SPATA13: variants seen among roughly 807,000 people sequenced by gnomAD.
SPATA13 encodes spermatogenesis associated 13.
A neutral mutation model predicts 104.0 loss-of-function variants in SPATA13; 50 were observed. The ratio of observed to expected loss-of-function variants is 0.48; its 90% CI spans 0.38 to 0.61. SPATA13 has a LOEUF of 0.61. Among genes scored for constraint, SPATA13 ranks in the 20% least tolerant of loss-of-function variants. SPATA13 has a pLI of 0.00. For missense variants in SPATA13, 1,524 were observed against 1,690.6 expected (o/e 0.90, Z 1.73); for synonymous variants, 606 against 667.5 (o/e 0.91, Z 1.42).
chr13:24,233,721 G>A (rs1003765169), intron 2 of SPATA13, among the ~76,000 whole-genome samples: 1 of 152,144 alleles, frequency 6.6e-6, no homozygotes, highest in Non-Finnish European at 1.5e-5. Flanking sequence ...CTGAAAGGGT[G>A]CTCAACATTT....
chr13:24,187,897 C>T (rs912803441), intron 1 of SPATA13, among the ~76,000 whole-genome samples: 3 of 152,132 alleles, frequency 2.0e-5, no homozygotes, highest in African/African-American at 7.2e-5. Flanking sequence ...GGAAGAGTCG[C>T]CCATCTCTAT....
At chr13:24,152,876 C>T (rs1387166122) in intron 3 of SPATA13, among the ~76,000 whole-genome samples, 3 of 152,202 alleles carry the variant, frequency 2.0e-5, no homozygotes, top group African/African-American at 7.2e-5. Flanking sequence ...CTCAAATGTT[C>T]AGAACTCAAA....
intron 2 of SPATA13, among the ~76,000 whole-genome samples, chr13:24,239,582 C>A (rs1343275804): frequency 6.7e-6 from 1 of 148,982 alleles, no homozygotes; most frequent in Non-Finnish European, 1.5e-5. Flanking sequence ...CTAGTCCCAG[C>A]TACTTGGGAG....
chr13:24,059,154 G>C (rs1449294882), intron 3 of SPATA13, among the ~76,000 whole-genome samples: 1 of 151,420 alleles, frequency 6.6e-6, no homozygotes, highest in African/African-American at 2.4e-5. Flanking sequence ...TGTATTTTTA[G>C]TAGAGACGGG....
Position 24,251,756 on chromosome 13 carries a change from A to G in SPATA13, c.2058A>G (p.Pro686=), listed in dbSNP as rs1372913547. 1 of 1,613,888 alleles carries G rather than the reference A, an allele frequency of 6.2e-7. No individual in the cohort carries two copies. The highest frequency in any genetic ancestry group is 8.5e-7 in the Non-Finnish European group (1 of 1,179,948). The change falls in exon 4 of 13, where the codon CCA becomes CCG. Residue 686 remains proline, a synonymous_variant. Transcript: ENST00000382108. ...SRPPMPAHQV[P]PYKAVSARFR... ...CGCCCATGCCTGCTCACCAGGTGCC[A>G]CCCTACAAGGCTGTGTCGGCCCGGT...
intron 4 of SPATA13, among the ~76,000 whole-genome samples, chr13:24,274,220 A>G (rs1352855982): frequency 6.6e-6 from 1 of 152,236 alleles, no homozygotes; most frequent in Non-Finnish European, 1.5e-5. Context: ...CAAAAGGCAT[A>G]TGTCCTAGAA....
chr13:24,269,814 C>T (rs184710881), intron 4 of SPATA13, among the ~76,000 whole-genome samples: 2 of 140,042 alleles, frequency 1.4e-5, no homozygotes, highest in African/African-American at 2.6e-5. Context: ...GTCTCAAACT[C>T]CTGGGCTCAA....
intron 1 of SPATA13, among the ~76,000 whole-genome samples, chr13:24,211,657 C>T (rs375827234): frequency 4.6e-5 from 7 of 152,088 alleles, no homozygotes; most frequent in African/African-American, 1.7e-4. Flanking sequence ...TCCAGCTGGT[C>T]AGCAGGCCAT....
chr13:24,130,015 G>A lies in SPATA13; in HGVS notation c.-111-92804G>A, dbSNP rs75388507. ...GGATTAGGGAAGTGCAAAGAGGTGG[G>A]TGAGGTAGCCAGGAGGCTACTCCAC... On this transcript the variant is annotated intron_variant, in intron 3 of 14. Transcript: ENST00000424834. Among the ~76,000 whole-genome samples the A allele has an allele frequency of 6.3e-3, 956 of 152,362 alleles. 30 individuals are homozygous for A. In the East Asian group the frequency reaches 0.084, roughly 13 times the overall value.
At chr13:24,111,927 A>G (rs976020049) in intron 3 of SPATA13, among the ~76,000 whole-genome samples, 1 of 152,188 alleles carries the variant, frequency 6.6e-6, no homozygotes, top group African/African-American at 2.4e-5. Context: ...TATTGAGGTT[A>G]TACTGCCTCT....
intron 3 of SPATA13, among the ~76,000 whole-genome samples, chr13:24,096,470 G>T (rs987986978): frequency 1.3e-5 from 2 of 152,004 alleles, no homozygotes; most frequent in Non-Finnish European, 2.9e-5. Flanking sequence ...GTGGTGGCAG[G>T]CACCTGTAAT....
At chr13:24,115,378 C>T (rs1355590855) in intron 3 of SPATA13, among the ~76,000 whole-genome samples, 3 of 152,222 alleles carry the variant, frequency 2.0e-5, no homozygotes, top group East Asian at 1.9e-4. Flanking sequence ...AACCTGACTG[C>T]GCAGCAGAAG....
chr13:24,273,949 T>TA, intron 4 of SPATA13, among the ~76,000 whole-genome samples: 1 of 152,240 alleles, frequency 6.6e-6, no homozygotes, highest in African/African-American at 2.4e-5. Context: ...CTCAGCCTCC[T>TA]AAAGTGCTGA....
intron 2 of SPATA13, among the ~76,000 whole-genome samples, chr13:24,017,494 T>A (rs891801523): frequency 5.9e-5 from 9 of 152,284 alleles, no homozygotes; most frequent in African/African-American, 2.2e-4. Context: ...TGTGTGTCTG[T>A]GTTTGTATGT....
At chr13:24,027,774 T>C (rs556120351) in intron 3 of SPATA13, among the ~76,000 whole-genome samples, 90 of 152,294 alleles carry the variant, frequency 5.9e-4, no homozygotes, top group African/African-American at 2.0e-3. Flanking sequence ...CATAGCATAG[T>C]TGTGAAAACC....
chr13:24,261,139 G>T (rs1351611061), intron 4 of SPATA13, among the ~76,000 whole-genome samples: 1 of 152,218 alleles, frequency 6.6e-6, no homozygotes, highest in Non-Finnish European at 1.5e-5. Context: ...GATCAGATGT[G>T]CATTCAGAGA....
intron 3 of SPATA13, among the ~76,000 whole-genome samples, chr13:24,138,305 GAA>G (rs758105978): frequency 1.6e-4 from 8 of 50,266 alleles, no homozygotes; most frequent in African/African-American, 4.5e-4. Context: ...GACTCCGTCT[GAA>G]AAAAAAAAAA....
At chr13:24,177,109 A>G (rs1298970113) in intron 1 of SPATA13, among the ~76,000 whole-genome samples, 1 of 152,224 alleles carries the variant, frequency 6.6e-6, no homozygotes, top group Non-Finnish European at 1.5e-5. Flanking sequence ...TCTCTAGTAC[A>G]AAAAGGAGTT....
At chr13:24,256,577 T>A (rs1001590043) in intron 4 of SPATA13, among the ~76,000 whole-genome samples, 1 of 152,046 alleles carries the variant, frequency 6.6e-6, no homozygotes, top group Non-Finnish European at 1.5e-5. Context: ...TTTTTTTTTT[T>A]AAAGAAATGA....
Sources: gnomAD v4.1 joint callset for allele counts (sites outside exome capture counted in the v4.1 genomes callset) on GRCh38, gnomAD v4.1.1 for gene constraint, MANE v1.5 for transcripts, NCBI Gene and HGNC (gene_info 2026-07-23, HGNC 2026-07-21) for gene names.